The following PHLPP1 variants were observed in gnomAD, a reference collection of about 807,000 sequenced individuals.
PHLPP1 encodes the protein PH domain and leucine rich repeat protein phosphatase 1.
In PHLPP1, 42 loss-of-function variants were observed where a neutral mutation model predicts 117.2. The observed-to-expected ratio is 0.36, with a 90% CI of 0.28 to 0.46. PHLPP1 has a LOEUF of 0.46. Among genes scored for constraint, PHLPP1 ranks in the 20% least tolerant of loss-of-function variants. The pLI, the probability that PHLPP1 is intolerant of heterozygous loss-of-function variation, is 1.00. For synonymous variants in PHLPP1, 1,042 were observed against 970.7 expected (o/e 1.07, Z -1.37); for missense variants, 2,084 against 2,241.9 (o/e 0.93, Z 1.42).
At chr18:62,870,586 G>A (rs1188489458) in intron 4 of PHLPP1, among the ~76,000 whole-genome samples, 1 of 152,110 alleles carries the variant, frequency 6.6e-6, no homozygotes, top group Non-Finnish European at 1.5e-5. Context: ...AAGTTTCAAG[G>A]AATTAAGTTT....
intron 1 of PHLPP1, among the ~76,000 whole-genome samples, chr18:62,771,228 A>G (rs980032887): frequency 1.3e-5 from 2 of 150,738 alleles, no homozygotes; most frequent in African/African-American, 5.0e-5. Flanking sequence ...AAAAAAAAAA[A>G]AAGAAAGCAA....
intron 1 of PHLPP1, among the ~76,000 whole-genome samples, chr18:62,826,729 G>A (rs994592787): frequency 1.3e-5 from 2 of 152,116 alleles, no homozygotes; most frequent in African/African-American, 2.4e-5. Flanking sequence ...CCATCCGGGC[G>A]CGGTGGTTCA....
rs1914719253 is a variant in PHLPP1 at position 62,830,207 on chromosome 18, T to C, written c.1749T>C (p.His583=). Residue 583 remains histidine, a synonymous_variant, in exon 2 of 17, where the codon CAT becomes CAC. Transcript: ENST00000262719. Reference sequence around the variant, plus strand: ...AAGACAGCTTGACCGGAAAGATGCATGTTCTGCCACTAATTGGTGGAAAAG... The same window carrying C: ...AAGACAGCTTGACCGGAAAGATGCACGTTCTGCCACTAATTGGTGGAAAAG... ...SVKDSLTGKM[H]VLPLIGGKVE... The C allele has an allele frequency of 1.3e-6, 2 of 1,563,918 alleles. No individual in the cohort carries two copies. The highest frequency in any genetic ancestry group is 1.7e-6 in the Non-Finnish European group (2 of 1,153,468).
chr18:62,893,298 G>A (rs921491759), intron 4 of PHLPP1, among the ~76,000 whole-genome samples: 8 of 152,106 alleles, frequency 5.3e-5, no homozygotes, highest in African/African-American at 1.9e-4. Flanking sequence ...GCCCACCTCG[G>A]CCTCCCAAAG....
At chr18:62,815,530 A>C (rs952407394) in intron 1 of PHLPP1, among the ~76,000 whole-genome samples, 1 of 152,184 alleles carries the variant, frequency 6.6e-6, no homozygotes, top group Non-Finnish European at 1.5e-5. Context: ...GGCTGTTGGC[A>C]GGAAGTTTCA....
intron 1 of PHLPP1, among the ~76,000 whole-genome samples, chr18:62,739,536 A>G (rs528144913): frequency 7.2e-4 from 110 of 152,330 alleles, no homozygotes; most frequent in Non-Finnish European, 1.4e-3. Flanking sequence ...TGTAAGTTAT[A>G]TCTCAGTGGA....
intron 9 of PHLPP1, among the ~76,000 whole-genome samples, chr18:62,916,254 A>T (rs1909272567): frequency 6.6e-6 from 1 of 152,008 alleles, no homozygotes; most frequent in South Asian, 2.1e-4. Flanking sequence ...AATATTAATA[A>T]TAGTGTACAT....
intron 1 of PHLPP1, among the ~76,000 whole-genome samples, chr18:62,771,211 CAAAAAAA>C (rs766950169): frequency 1.7e-5 from 1 of 58,724 alleles, no homozygotes; most frequent in Non-Finnish European, 3.8e-5. Flanking sequence ...GAGACTGTCT[CAAAAAAA>C]AAAAAAAAAA....
rs544229133 is a variant in PHLPP1, at chr18:62,935,775, G to A, written c.2961-5943G>A. ...TCCCAGCACTTTGGGAGGCCGAGGTGGGCGGATCACCTGAGGTCAGGAGTT... is the reference window on the plus strand; with the variant it reads ...TCCCAGCACTTTGGGAGGCCGAGGTAGGCGGATCACCTGAGGTCAGGAGTT... On this transcript the variant is annotated intron_variant, in intron 10 of 16. Transcript: ENST00000262719. Among the ~76,000 whole-genome samples, 116 of 152,244 alleles carry A rather than the reference G, an allele frequency of 7.6e-4. 1 individual carries two copies. Among genetic ancestry groups the A allele is most frequent in the African/African-American group, 2.3e-3 (95 of 41,550 alleles).
At chr18:62,768,633 T>A (rs1455976856) in intron 1 of PHLPP1, among the ~76,000 whole-genome samples, 2 of 152,206 alleles carry the variant, frequency 1.3e-5, no homozygotes, top group Non-Finnish European at 2.9e-5. Context: ...TTATTATCTT[T>A]AAATATAATT....
chr18:62,792,951 G>T (rs1655809062), intron 1 of PHLPP1, among the ~76,000 whole-genome samples: 1 of 151,532 alleles, frequency 6.6e-6, no homozygotes, highest in South Asian at 2.1e-4. Flanking sequence ...GAGGTGGGTG[G>T]ATCACCTGAG....
intron 13 of PHLPP1, among the ~76,000 whole-genome samples, chr18:62,962,655 T>A (rs1427369312): frequency 6.6e-6 from 1 of 152,206 alleles, no homozygotes; most frequent in African/African-American, 2.4e-5. Context: ...CCCTTTAGTA[T>A]TTCTGTTTTG....
At chr18:62,787,485 G>C (rs999021268) in intron 1 of PHLPP1, among the ~76,000 whole-genome samples, 1 of 152,252 alleles carries the variant, frequency 6.6e-6, no homozygotes, top group African/African-American at 2.4e-5. Context: ...TCGTTTTGAA[G>C]GGAGGAACTG....
intron 1 of PHLPP1, among the ~76,000 whole-genome samples, chr18:62,768,774 G>A (rs1290478943): frequency 6.6e-6 from 1 of 152,084 alleles, no homozygotes; most frequent in Non-Finnish European, 1.5e-5. Context: ...ACCTAACAAT[G>A]AAAAAGGAGA....
chr18:62,769,126 T>C (rs1329742016), intron 1 of PHLPP1, among the ~76,000 whole-genome samples: 1 of 152,240 alleles, frequency 6.6e-6, no homozygotes, highest in Non-Finnish European at 1.5e-5. Flanking sequence ...CTCATTCGCT[T>C]AGCATTCTGT....
chr18:62,973,322 G>T (rs941163100), intron 15 of PHLPP1, among the ~76,000 whole-genome samples: 3 of 152,210 alleles, frequency 2.0e-5, no homozygotes, highest in Non-Finnish European at 4.4e-5. Context: ...GTGGAATATT[G>T]TTTGTAACTC....
rs1364384001 is a variant in PHLPP1 at position 62,895,153 on chromosome 18, C to A, written c.2209C>A (p.His737Asn). ...RSVPAAVGVMHNLQTFLLDGN... is the reference protein window; with the variant it reads ...RSVPAAVGVMNNLQTFLLDGN... ...AGTCCCGGCAGCCGTTGGAGTGATG[C>A]ACAAGTGTGTACTTCAAACCCCACT... Residue 737 changes from histidine to asparagine, a missense_variant, in exon 5 of 17, where the codon CAC (histidine) becomes AAC (asparagine). This residue lies in a region of PHLPP1 where 1,365 missense variants were observed against 1,605.9 expected (regional missense o/e 0.85). Coordinates refer to ENST00000262719, the MANE Select transcript of PHLPP1 (RefSeq NM_194449.4). 8 of 1,613,380 alleles carry A rather than the reference C, an allele frequency of 5.0e-6. No individual in the cohort carries two copies. Among genetic ancestry groups the A allele is most frequent in the African/African-American group, 1.3e-5 (1 of 74,890 alleles).
chr18:62,778,707 T>C (rs1913034236), intron 1 of PHLPP1, among the ~76,000 whole-genome samples: 1 of 152,226 alleles, frequency 6.6e-6, no homozygotes, highest in Non-Finnish European at 1.5e-5. Context: ...AAAAAACACC[T>C]TGTAAAACTT....
At chr18:62,859,715 G>A (rs1441361419) in intron 3 of PHLPP1, among the ~76,000 whole-genome samples, 1 of 152,034 alleles carries the variant, frequency 6.6e-6, no homozygotes, top group Admixed American at 6.6e-5. Context: ...GTATTTACTC[G>A]ATAGCTCTGA....
Sources: gnomAD v4.1 joint callset for allele counts (sites outside exome capture counted in the v4.1 genomes callset) on GRCh38, gnomAD v4.1.1 for gene constraint, gnomAD v4.1.1 regional missense constraint, MANE v1.5 for transcripts, NCBI Gene and HGNC (gene_info 2026-07-23, HGNC 2026-07-21) for gene names.